Variants in NIPAL1 observed in about 807,000 individuals in gnomAD.
NIPAL1 encodes NIPA like domain containing 1.
A neutral mutation model predicts 37.7 loss-of-function variants in NIPAL1; 35 were observed. The ratio of observed to expected loss-of-function variants is 0.93; its 90% CI spans 0.71 to 1.23. NIPAL1 has a LOEUF of 1.23. NIPAL1 is among the 50% of genes most tolerant of loss of function. NIPAL1 has a pLI of 0.00. For synonymous variants in NIPAL1, 162 were observed against 183.0 expected, an observed-to-expected ratio of 0.89 and a Z score of 0.93; for missense variants, 412 against 473.9, an observed-to-expected ratio of 0.87 and a Z score of 1.21.
At chr4:48,017,519 T>C (rs1715459988) in intron 1 of NIPAL1, among the ~76,000 whole-genome samples, 1 of 152,220 alleles carries the variant, frequency 6.6e-6, no homozygotes, top group African/African-American at 2.4e-5. Context: ...AGAGCCGTAC[T>C]GGAGAGGAAA....
chr4:48,032,925 A>G, intron 3 of NIPAL1, 68 bp from the exon 4 acceptor site: 8 of 1,031,704 alleles, frequency 7.8e-6, no homozygotes, highest in Non-Finnish European at 1.2e-5. Flanking sequence ...GCTTTGCATG[A>G]GTCATTTGTT....
At position 48,036,207 on chromosome 4, in the gene NIPAL1, G is replaced by A. The variant is rs765401294; in HGVS notation, c.*35G>A. On this transcript the variant is annotated 3_prime_UTR_variant, in exon 6 of 6. Coordinates refer to ENST00000295461, the MANE Select transcript of NIPAL1 (RefSeq NM_207330.3). ...AAACACTGAGTTTTAACCAATATGAGACACACGAAGAGGAAAATGAATGCT... is the reference window on the plus strand; with the variant it reads ...AAACACTGAGTTTTAACCAATATGAAACACACGAAGAGGAAAATGAATGCT... The A allele has an allele frequency of 1.3e-6, 2 of 1,542,340 alleles. No individual in the cohort carries two copies. Among genetic ancestry groups the A allele is most frequent in the Admixed American group, 4.7e-5 (2 of 42,798 alleles).
intron 2 of NIPAL1, among the ~76,000 whole-genome samples, chr4:48,028,832 C>T (rs531238921): frequency 2.8e-4 from 42 of 152,242 alleles, no homozygotes; most frequent in African/African-American, 9.9e-4. Flanking sequence ...TGTAACTAAT[C>T]ACCAGAGAAA....
chr4:48,019,592 C>T (rs1237942275), intron 1 of NIPAL1, among the ~76,000 whole-genome samples: 1 of 152,068 alleles, frequency 6.6e-6, no homozygotes, highest in Non-Finnish European at 1.5e-5. Context: ...GGAACAGCTG[C>T]TTTTTAAAAA....
intron 3 of NIPAL1, among the ~76,000 whole-genome samples, chr4:48,030,541 A>C (rs1328335535): frequency 6.6e-6 from 1 of 152,200 alleles, no homozygotes; most frequent in Non-Finnish European, 1.5e-5. Context: ...TTGTAGCTGC[A>C]TATTTTCTCA....
intron 2 of NIPAL1, among the ~76,000 whole-genome samples, 189 bp downstream of exon 2, chr4:48,025,523 T>C (rs549785103): frequency 6.6e-6 from 1 of 152,332 alleles, no homozygotes; most frequent in South Asian, 2.1e-4. Context: ...AATGAAGGGA[T>C]AGTCAGGCAG....
intron 2 of NIPAL1, 95 bp from the exon 3 acceptor site, chr4:48,030,024 TA>T: frequency 3.0e-6 from 2 of 666,444 alleles, no homozygotes; most frequent in South Asian, 1.9e-5. Context: ...TTAACTTTTC[TA>T]ACCATAATCC....
rs1367364095 is a variant in NIPAL1 at position 48,035,861 on chromosome 4, C to A, written c.922C>A (p.Pro308Thr). ...CACCTTTAATACCTCTCTTGTGACA[C>A]CCATTTATTATGTATTCTTCACATC... ...LDTFNTSLVT[P>T]IYYVFFTSMV... The change falls in exon 6 of 6, where the codon CCC becomes ACC. Residue 308 changes from proline to threonine, a missense_variant. Coordinates refer to ENST00000295461, the MANE Select transcript of NIPAL1 (RefSeq NM_207330.3). The A allele has an allele frequency of 1.9e-6, 3 of 1,613,908 alleles. No individual in the cohort carries two copies. The highest frequency in any genetic ancestry group is 2.2e-5 in the South Asian group (2 of 91,078).
At chr4:48,019,348 A>G (rs1715520774) in intron 1 of NIPAL1, among the ~76,000 whole-genome samples, 1 of 152,270 alleles carries the variant, frequency 6.6e-6, no homozygotes, top group Non-Finnish European at 1.5e-5. Flanking sequence ...AGATGCTTCA[A>G]AAGAGTCTCT....
chr4:48,017,871 T>C (rs1051115324), intron 1 of NIPAL1, among the ~76,000 whole-genome samples: 27 of 151,586 alleles, frequency 1.8e-4, no homozygotes, highest in African/African-American at 5.1e-4. Flanking sequence ...CACATATATA[T>C]ATATATATAT....
At chr4:48,021,798 G>A (rs1420911382) in intron 1 of NIPAL1, among the ~76,000 whole-genome samples, 1 of 151,900 alleles carries the variant, frequency 6.6e-6, no homozygotes, top group African/African-American at 2.4e-5. Flanking sequence ...TTTTTTATAA[G>A]CAAAAGAATG....
At chr4:48,028,653 A>G (rs1715747556) in intron 2 of NIPAL1, among the ~76,000 whole-genome samples, 1 of 152,194 alleles carries the variant, frequency 6.6e-6, no homozygotes, top group Admixed American at 6.5e-5. Flanking sequence ...AATAGGAGAA[A>G]AAACTTGCAA....
At chr4:48,035,297 C>A (rs1248239945) in intron 5 of NIPAL1, among the ~76,000 whole-genome samples, 1 of 152,178 alleles carries the variant, frequency 6.6e-6, no homozygotes, top group African/African-American at 2.4e-5. Flanking sequence ...AAAATCAAAT[C>A]TTTGCCACTC....
At chr4:48,030,013 C>T in intron 2 of NIPAL1, 107 bp from the exon 3 acceptor site, 2 of 611,398 alleles carry the variant, frequency 3.3e-6, no homozygotes, top group Non-Finnish European at 3.0e-6. Flanking sequence ...GATTTACTGA[C>T]TTAACTTTTC....
chr4:48,016,832 C>T lies in NIPAL1; in HGVS notation c.-8C>T, dbSNP rs1397409662. ...GCGCCCGCGTTCCGGAAGCCCGCTC[C>T]CGGGGCCATGGGGGCACAGGTGAGG... On this transcript the variant is annotated 5_prime_UTR_variant, in exon 1 of 6. Transcript: ENST00000295461. 1 of 1,576,966 alleles carries T rather than the reference C, an allele frequency of 6.3e-7. No individual in the cohort carries two copies. The highest frequency in any genetic ancestry group is 1.2e-5 in the South Asian group (1 of 86,714).
Position 48,036,493 on chromosome 4 carries a change from T to C in NIPAL1, c.*321T>C, listed in dbSNP as rs1239881190. On this transcript the variant is annotated 3_prime_UTR_variant, in exon 6 of 6. Transcript: ENST00000295461. ...TGGCTCTTCATTTCTTTGGTAGCTA[T>C]TTTTAGACTTACAGTCATTCACCAA... The C allele has an allele frequency of 1.3e-5, 4 of 308,160 alleles. No homozygotes were observed. The highest frequency in any genetic ancestry group is 2.4e-5 in the Non-Finnish European group (4 of 167,264). 19.1% of individuals were successfully genotyped at this position (308,160 alleles called of 1,614,324 possible). A position where few individuals can be genotyped will look rare whatever the true frequency, so the allele number is the denominator to read the frequency against.
At position 48,016,782 on chromosome 4, in the gene NIPAL1, G is replaced by A. The variant is rs1396187283; in HGVS notation, c.-58G>A. ...GCAGCCCCGCCCGCCGCGGGTGCGT[G>A]TGGAGAGGCCCAGGTGAGGAGCAAG... is the stretch of plus-strand genomic sequence containing the variant. On this transcript the variant is annotated 5_prime_UTR_variant, in exon 1 of 6. It adds an upstream start codon to the 5' untranslated region. Coordinates refer to ENST00000295461, the MANE Select transcript of NIPAL1 (RefSeq NM_207330.3). The A allele has an allele frequency of 2.0e-6, 3 of 1,511,830 alleles. No individual in the cohort carries two copies. The highest frequency in any genetic ancestry group is 2.7e-6 in the Non-Finnish European group (3 of 1,124,740). 93.7% of individuals were successfully genotyped at this position (1,511,830 alleles called of 1,614,324 possible).
chr4:48,026,061 A>G (rs920378042), intron 2 of NIPAL1, among the ~76,000 whole-genome samples: 1 of 151,888 alleles, frequency 6.6e-6, no homozygotes, highest in Non-Finnish European at 1.5e-5. Flanking sequence ...CTGTCATTGC[A>G]CTAATAGTTT....
intron 3 of NIPAL1, among the ~76,000 whole-genome samples, chr4:48,032,121 G>A (rs1220160228): frequency 6.6e-6 from 1 of 152,156 alleles, no homozygotes; most frequent in Non-Finnish European, 1.5e-5. Flanking sequence ...TTTTCCTAAT[G>A]GTGAATACTC....
Sources: allele counts gnomAD v4.1 joint callset (sites outside exome capture counted in the v4.1 genomes callset), GRCh38; gene constraint gnomAD v4.1.1; transcripts MANE v1.5; gene names NCBI Gene and HGNC (gene_info 2026-07-23, HGNC 2026-07-21).